Variants in CFAP92 observed in about 807,000 individuals in gnomAD.
CFAP92 encodes the protein uncharacterized protein CFAP92.
Under a neutral mutation model 106.3 loss-of-function variants are expected in CFAP92, and 86 were observed. The observed-to-expected ratio is 0.81, with a 90% CI of 0.68 to 0.97. The LOEUF (loss-of-function observed/expected upper bound fraction) is 0.97. Among genes scored for constraint, CFAP92 ranks in the 50% least tolerant of loss-of-function variants. CFAP92 has a pLI of 0.00. For synonymous variants in CFAP92, 477 were observed against 506.4 expected, an observed-to-expected ratio of 0.94 and a Z score of 0.78; for missense variants, 1,204 against 1,283.8, an observed-to-expected ratio of 0.94 and a Z score of 0.95.
chr3:128,975,918 A>C lies in CFAP92; in HGVS notation c.897-15T>G. 1 of 1,591,602 alleles carries C rather than the reference A, an allele frequency of 6.3e-7. No homozygotes were observed. Among genetic ancestry groups the C allele is most frequent in the Non-Finnish European group, 8.5e-7 (1 of 1,171,664 alleles). On this transcript the variant is annotated splice_polypyrimidine_tract_variant and intron_variant, in intron 6 of 15. Transcript: ENST00000645291. ...AAACACTCCATCTAGAAAATTCACA[A>C]AGAGAAAAATTAATGAAGGTGAAAA...
Position 128,912,638 on chromosome 3 carries a change from G to A in CFAP92, c.3281-2305C>T, listed in dbSNP as rs9830739. On this transcript the variant is annotated intron_variant, in intron 15 of 15. Coordinates refer to ENST00000645291, the MANE Select transcript of CFAP92 (RefSeq NM_001394090.1). Reference sequence around the variant, plus strand: ...GGGACAGTGTCCCCTGCTACCGCCCGCCCCTACCCATGGCCCGTTGCTGGA... The same window carrying A: ...GGGACAGTGTCCCCTGCTACCGCCCACCCCTACCCATGGCCCGTTGCTGGA... 0.026 allele frequency: 40,491 copies of A among 1,572,694 alleles called. 3,126 individuals are homozygous for A. In the African/African-American group the frequency reaches 0.27, roughly 11 times the overall value.
intron 12 of CFAP92, among the ~76,000 whole-genome samples, chr3:128,925,422 C>T (rs377683909): frequency 6.6e-5 from 10 of 152,250 alleles, no homozygotes; most frequent in African/African-American, 1.2e-4. Flanking sequence ...TAACAGGCCT[C>T]GAACTGCTAC....
At position 128,963,268 on chromosome 3, in the gene CFAP92, G is replaced by C. The variant is rs528403375; in HGVS notation, c.1353+2243C>G. On this transcript the variant is annotated intron_variant, in intron 9 of 15. Coordinates refer to ENST00000645291, the MANE Select transcript of CFAP92 (RefSeq NM_001394090.1). The stretch of plus-strand genomic sequence containing the variant: ...TAGTGCGGTCAGAATTCTTAAACAA[G>C]AGCCAGGACCACACCGTGTAGCCTT... Among the ~76,000 whole-genome samples the C allele has an allele frequency of 3.3e-5, 5 of 152,228 alleles. No individual in the cohort carries two copies. In the East Asian group the frequency reaches 9.7e-4, roughly 30 times the overall value.
chr3:128,987,860 T>A (rs751027425), intron 3 of CFAP92, 31 bp from the exon 4 acceptor site: 8 of 1,554,022 alleles, frequency 5.1e-6, no homozygotes, highest in Non-Finnish European at 6.1e-6. Context: ...AGATGTCAAC[T>A]GGGGAAAGAT....
intron 7 of CFAP92, among the ~76,000 whole-genome samples, chr3:128,971,798 C>A (rs1942816075): frequency 6.6e-6 from 1 of 151,986 alleles, no homozygotes; most frequent in African/African-American, 2.4e-5. Context: ...TTTAAGAGAC[C>A]CTGCTCTTAA....
chr3:128,923,639 G>T (rs1300135376), intron 12 of CFAP92, among the ~76,000 whole-genome samples: 1 of 152,210 alleles, frequency 6.6e-6, no homozygotes, highest in African/African-American at 2.4e-5. Context: ...TTGAATAAGG[G>T]CTAAGACAAA....
chr3:128,911,097 C>T (rs568728370), intron 15 of CFAP92, among the ~76,000 whole-genome samples: 1 of 152,338 alleles, frequency 6.6e-6, no homozygotes, highest in African/African-American at 2.4e-5. Context: ...GCTCTTGTTG[C>T]CCAAGCTGGA....
intron 1 of CFAP92, 164 bp from the exon 2 acceptor site, chr3:128,993,500 T>A: frequency 1.5e-6 from 1 of 660,044 alleles, no homozygotes; most frequent in Non-Finnish European, 2.6e-6. Flanking sequence ...CAGTCGGTAC[T>A]CAATCGACTT....
At chr3:128,911,347 C>T (rs1159051816) in intron 15 of CFAP92, among the ~76,000 whole-genome samples, 11 of 150,620 alleles carry the variant, frequency 7.3e-5, no homozygotes, top group Admixed American at 1.3e-4. Flanking sequence ...CATGAGCCAC[C>T]GCACCGGGCC....
chr3:129,011,694 G>T, the CFAP92 span, among the ~76,000 whole-genome samples: 1 of 152,152 alleles, frequency 6.6e-6, no homozygotes, highest in African/African-American at 2.4e-5. Context: ...CTCTGTCGAG[G>T]TGGCTGATCA....
intron 1 of CFAP92, among the ~76,000 whole-genome samples, chr3:129,000,139 CAA>C (rs1191835905): frequency 2.6e-5 from 4 of 152,220 alleles, no homozygotes; most frequent in African/African-American, 4.8e-5. Context: ...CTGTAATAAA[CAA>C]TGATGCAGTG....
At chr3:128,920,654 C>T (rs1040414532) in intron 12 of CFAP92, among the ~76,000 whole-genome samples, 6 of 152,196 alleles carry the variant, frequency 3.9e-5, no homozygotes, top group South Asian at 2.1e-4. Flanking sequence ...GGAACATGTC[C>T]GGCGTCCAGG....
At chr3:128,993,608 C>T (rs1944354767) in intron 1 of CFAP92, 1 of 411,410 alleles carries the variant, frequency 2.4e-6, no homozygotes, top group Non-Finnish European at 4.5e-6. Flanking sequence ...GAGTCAGTCG[C>T]CGGGCTTCTG....
upstream of CFAP92, among the ~76,000 whole-genome samples, chr3:128,997,815 G>A (rs763227525): frequency 4.6e-5 from 7 of 152,114 alleles, no homozygotes; most frequent in South Asian, 2.1e-4. Context: ...CTCTTGGGTC[G>A]ATATCTAGGA....
At chr3:128,991,137 T>C (rs7648877) in intron 2 of CFAP92, among the ~76,000 whole-genome samples, 102,966 of 152,062 alleles carry the variant, frequency 0.68, 36,521 homozygotes, top group African/African-American at 0.91. Flanking sequence ...AACAAAAACA[T>C]GCTTAGAAGA....
intron 12 of CFAP92, among the ~76,000 whole-genome samples, chr3:128,930,652 G>A (rs1317673835): frequency 6.6e-6 from 1 of 151,998 alleles, no homozygotes; most frequent in South Asian, 2.1e-4. Flanking sequence ...TCAGGAGGCT[G>A]AGGCAGGAGA....
intron 9 of CFAP92, among the ~76,000 whole-genome samples, chr3:128,960,144 C>T (rs10460834): frequency 0.039 from 6,002 of 152,246 alleles, 304 homozygotes; most frequent in African/African-American, 0.11. Flanking sequence ...CCACTCCCTT[C>T]GCTGACTCTC....
intron 11 of CFAP92, 91 bp downstream of exon 11, chr3:128,935,034 G>T: frequency 2.9e-6 from 3 of 1,022,902 alleles, no homozygotes; most frequent in Non-Finnish European, 4.1e-6. Flanking sequence ...TCTAGTTGTT[G>T]GATGCCCCAG....
In CFAP92 at chr3:128,915,407, C is replaced by T. The variant is rs200288452; in HGVS notation, c.3073G>A (p.Glu1025Lys). 1.2e-3 allele frequency: 1,907 copies of T among 1,536,116 alleles called. 1 individual carries two copies. The highest frequency in any genetic ancestry group is 1.5e-3 in the Non-Finnish European group (1,771 of 1,146,914). The part of the protein sequence containing the change: ...FQVTGLQSDT[E>K]SSFQDLKLPP... ...AGCTTGAGATCCTGAAAGCTGCTTT[C>T]GGTGTCGCTCTGAAGACCTGTCACT... is the stretch of plus-strand genomic sequence containing the variant. Residue 1025 changes from glutamate (E) to lysine (K), a missense_variant, in exon 14 of 16, where the codon GAA becomes AAA. Coordinates refer to ENST00000645291, the MANE Select transcript of CFAP92 (RefSeq NM_001394090.1).
Sources: gnomAD v4.1 joint callset for allele counts (sites outside exome capture counted in the v4.1 genomes callset) on GRCh38, gnomAD v4.1.1 for gene constraint, MANE v1.5 for transcripts, NCBI Gene and HGNC (gene_info 2026-07-23, HGNC 2026-07-21) for gene names.